PSME4: variants seen among roughly 807,000 people sequenced by gnomAD.
PSME4 encodes proteasome activator subunit 4, also known as proteasome activator complex subunit 4.
A neutral mutation model predicts 253.9 loss-of-function variants in PSME4; 89 were observed. The ratio of observed to expected loss-of-function variants is 0.35; its 90% CI spans 0.30 to 0.42. PSME4 has a LOEUF of 0.42. Ranked by LOEUF, PSME4 falls within the 10% of genes least tolerant of loss-of-function variation. The pLI is 1.00. For synonymous variants in PSME4, 851 were observed against 759.2 expected (o/e 1.12, Z -1.99); for missense variants, 2,014 against 2,195.2 (o/e 0.92, Z 1.65).
At chr2:53,865,828 C>A (rs747896211) in intron 46 of PSME4, 31 of 407,194 alleles carry the variant, frequency 7.6e-5, no homozygotes, top group Non-Finnish European at 1.3e-4. Context: ...CTAACTATTC[C>A]CAGGCTGACA....
rs1669106827 is a variant in PSME4, at chr2:53,936,204, ATTG to A, written c.760-46_760-44del. The A allele has an allele frequency of 1.9e-6, 3 of 1,609,600 alleles. No individual in the cohort carries two copies. In the South Asian group the frequency reaches 3.3e-5, roughly 18 times the overall value. On this transcript the variant is annotated intron_variant, in intron 6 of 46. Coordinates refer to ENST00000404125, the MANE Select transcript of PSME4 (RefSeq NM_014614.3). ...GGACAAAGTTAATATATTTGTTGTT[ATTG>A]TTTAAGTGTCATAGTCACACCCCTC...
chr2:53,866,066 C>G lies in PSME4; in HGVS notation c.*4+19G>C, dbSNP rs184196276. The G allele has an allele frequency of 5.0e-6, 8 of 1,590,136 alleles. No individual in the cohort carries two copies. In the Admixed American group the frequency reaches 1.0e-4, roughly 21 times the overall value. ...CTCAGTCACCAAACCAATGTAAATTCAGAACTTTGCTGACTTACCTTTCTA... is the reference window on the plus strand; with the variant it reads ...CTCAGTCACCAAACCAATGTAAATTGAGAACTTTGCTGACTTACCTTTCTA... On this transcript the variant is annotated intron_variant, in intron 46 of 46. Coordinates refer to ENST00000404125, the MANE Select transcript of PSME4 (RefSeq NM_014614.3).
intron 13 of PSME4, 133 bp from the exon 14 acceptor site, chr2:53,925,822 G>T (rs145557407): frequency 4.8e-6 from 6 of 1,260,204 alleles, no homozygotes; most frequent in South Asian, 1.4e-5. Context: ...TTCACAAATC[G>T]ATTATCCTTT....
chr2:53,868,870 G>C (rs1444469443), intron 44 of PSME4, among the ~76,000 whole-genome samples: 4 of 151,740 alleles, frequency 2.6e-5, no homozygotes, highest in African/African-American at 9.7e-5. Context: ...TGACATAGTA[G>C]TCAGATCTTA....
intron 43 of PSME4, among the ~76,000 whole-genome samples, chr2:53,872,741 CA>C (rs61308177): frequency 3.7e-3 from 179 of 47,980 alleles, no homozygotes; most frequent in African/African-American, 9.6e-3. Flanking sequence ...GACTTGGTCT[CA>C]AAAAAAAAAA....
intron 44 of PSME4, among the ~76,000 whole-genome samples, chr2:53,867,428 A>C (rs1415314479): frequency 1.3e-5 from 2 of 151,110 alleles, no homozygotes; most frequent in African/African-American, 4.9e-5. Flanking sequence ...TGACCAGGGA[A>C]GCAGAGGCTG....
intron 1 of PSME4, among the ~76,000 whole-genome samples, chr2:53,961,484 A>G (rs1670493354): frequency 6.6e-6 from 1 of 152,174 alleles, no homozygotes; most frequent in African/African-American, 2.4e-5. Flanking sequence ...GTGGCAACAT[A>G]GTGAGACCCT....
At chr2:53,868,543 AAATATATTTATAATATATAT>A (rs1678707003) in intron 44 of PSME4, among the ~76,000 whole-genome samples, 2 of 47,816 alleles carry the variant, frequency 4.2e-5, no homozygotes. Flanking sequence ...TATATATTAT[AAATATATTTATAATATATAT>A]AATATATATT....
Position 53,937,894 on chromosome 2 carries a change from G to A in PSME4, c.546-354C>T, listed in dbSNP as rs540318268. 4.6e-5 allele frequency among the ~76,000 whole-genome samples: 7 copies of A among 152,168 alleles called. No homozygotes were observed. The South Asian group carries it at 1.5e-3, about 32-fold the overall frequency. On this transcript the variant is annotated intron_variant, in intron 4 of 46. Transcript: ENST00000404125. ...TGTAGTCCCAGCTACTCAGAAAGCT[G>A]GGGTTGGGGGATCATTAGAGCCCAG...
intron 35 of PSME4, among the ~76,000 whole-genome samples, chr2:53,893,233 TG>T (rs934517103): frequency 1.9e-5 from 2 of 104,882 alleles, no homozygotes; most frequent in Non-Finnish European, 3.8e-5. Context: ...CATGCAGTTT[TG>T]GGTATTTTTT....
chr2:53,963,625 C>T (rs1167231437), intron 1 of PSME4, among the ~76,000 whole-genome samples: 1 of 152,124 alleles, frequency 6.6e-6, no homozygotes, highest in Non-Finnish European at 1.5e-5. Flanking sequence ...TGAAAGATGT[C>T]ATAATGTGAA....
rs182186133 is a variant in PSME4 at position 53,939,488 on chromosome 2, G to A, written c.545+468C>T. Among the ~76,000 whole-genome samples the A allele has an allele frequency of 4.0e-3, 611 of 152,248 alleles. 6 individuals carry two copies. The highest frequency in any genetic ancestry group is 0.014 in the African/African-American group (572 of 41,544). ...CACCTATAATCCCAATGCTTTGGGA[G>A]GCCAAGGTGGGAGGACTGCTTGAGG... is the stretch of plus-strand genomic sequence containing the variant. On this transcript the variant is annotated intron_variant, in intron 4 of 46. Coordinates refer to ENST00000404125, the MANE Select transcript of PSME4 (RefSeq NM_014614.3).
At chr2:53,915,088 T>C (rs1380636827) in intron 20 of PSME4, among the ~76,000 whole-genome samples, 3 of 151,960 alleles carry the variant, frequency 2.0e-5, no homozygotes, top group Non-Finnish European at 1.5e-5. Context: ...TTTAAGACCA[T>C]CCCACATACC....
At chr2:53,941,692 A>C (rs1669462654) in intron 3 of PSME4, among the ~76,000 whole-genome samples, 1 of 152,142 alleles carries the variant, frequency 6.6e-6, no homozygotes, top group Non-Finnish European at 1.5e-5. Context: ...CTAGTTTTAA[A>C]CTAAATTACT....
In PSME4 at chr2:53,893,731, T is replaced by C. The variant is rs761503218; in HGVS notation, c.3981A>G (p.Ser1327=). ...TATCTTTTCCTTTTCTGTCTTCTAATGATAGAAAAGTAATTAACTGCTCAA... is the reference window on the plus strand; with the variant it reads ...TATCTTTTCCTTTTCTGTCTTCTAACGATAGAAAAGTAATTAACTGCTCAA... The part of the protein sequence containing the change: ...KFVEQLITFL[S]LEDRKGKDKF... Residue 1327 remains serine, a synonymous_variant, in exon 35 of 47, where the codon TCA becomes TCG. Transcript: ENST00000404125. 18 of 1,611,332 alleles carry C rather than the reference T, an allele frequency of 1.1e-5. No individual in the cohort carries two copies. Among genetic ancestry groups the C allele is most frequent in the Non-Finnish European group, 1.4e-5 (17 of 1,178,494 alleles).
intron 28 of PSME4, 44 bp downstream of exon 28, chr2:53,901,306 C>T: frequency 1.3e-6 from 2 of 1,514,932 alleles, no homozygotes; most frequent in Admixed American, 1.7e-5. Context: ...TTTAACAAGA[C>T]AGGATTTACA....
At chr2:53,931,722 C>T in intron 10 of PSME4, 113 bp downstream of exon 10, 2 of 1,127,192 alleles carry the variant, frequency 1.8e-6, no homozygotes, top group South Asian at 1.7e-5. Context: ...CCTCTAGGAA[C>T]AGGAATAAGC....
chr2:53,919,042 A>T, intron 20 of PSME4, 109 bp downstream of exon 20: 1 of 1,069,536 alleles, frequency 9.3e-7, no homozygotes, highest in East Asian at 2.8e-5. Flanking sequence ...ACAAATAAAA[A>T]GGTTAAAGTG....
chr2:53,868,588 TAATATA>T (rs1418340136), intron 44 of PSME4, among the ~76,000 whole-genome samples: 1 of 135,090 alleles, frequency 7.4e-6, no homozygotes, highest in African/African-American at 2.8e-5. Flanking sequence ...AATATATTTA[TAATATA>T]TATATAATAT....
Sources: gnomAD v4.1 joint callset for allele counts (sites outside exome capture counted in the v4.1 genomes callset) on GRCh38, gnomAD v4.1.1 for gene constraint, MANE v1.5 for transcripts, NCBI Gene and HGNC (gene_info 2026-07-23, HGNC 2026-07-21) for gene names.